Variants in KLRG2 observed in about 807,000 individuals in gnomAD.
The protein encoded by KLRG2 is killer cell lectin-like receptor subfamily G member 2.
KLRG2 carries 39 observed loss-of-function variants against 35.4 expected under a neutral mutation model. The ratio of observed to expected loss-of-function variants is 1.10; its 90% CI spans 0.85 to 1.44. The LOEUF is 1.44. Ranked by LOEUF, KLRG2 falls within the 40% of genes most tolerant of loss-of-function variation. The pLI is 0.00. For synonymous variants in KLRG2, 283 were observed against 265.8 expected (o/e 1.06, Z -0.63); for missense variants, 632 against 570.9 (o/e 1.11, Z -1.09).
chr7:139,454,704 TACTTGGGAGGCTGAA>T (rs1486908067), intron 3 of KLRG2, among the ~76,000 whole-genome samples: 1 of 150,976 alleles, frequency 6.6e-6, no homozygotes, highest in Non-Finnish European at 1.5e-5. Context: ...TAATCCCAGC[TACTTGGGAGGCTGAA>T]ACAGGAGAAT....
In KLRG2 at chr7:139,479,782, C is replaced by G; in HGVS notation, c.860-10G>C. The G allele has an allele frequency of 1.2e-6, 2 of 1,612,384 alleles. No homozygotes were observed. The highest frequency in any genetic ancestry group is 1.7e-6 in the Non-Finnish European group (2 of 1,179,244). ...TGCTGGCATCTGGCTCCTGCAAGCA[C>G]AGAGACTGCTGGTGAGCTGCAGGGT... On this transcript the variant is annotated splice_polypyrimidine_tract_variant and intron_variant, in intron 2 of 4. Coordinates refer to ENST00000340940, the MANE Select transcript of KLRG2 (RefSeq NM_198508.4).
intron 3 of KLRG2, among the ~76,000 whole-genome samples, chr7:139,476,986 T>C (rs986408368): frequency 1.3e-5 from 2 of 152,166 alleles, no homozygotes; most frequent in African/African-American, 2.4e-5. Context: ...GAATCCCCCT[T>C]GCCAAACACG....
chr7:139,464,980 C>T (rs56103242), intron 3 of KLRG2, among the ~76,000 whole-genome samples: 29,145 of 152,184 alleles, frequency 0.19, 4,250 homozygotes, highest in African/African-American at 0.41. Context: ...GACTTCAATC[C>T]GGCCTCCCAC....
chr7:139,445,789 A>G, the KLRG2 span, among the ~76,000 whole-genome samples: 1 of 126,378 alleles, frequency 7.9e-6, no homozygotes, highest in Non-Finnish European at 1.5e-5. Flanking sequence ...ATGTATATAT[A>G]TATGTGTGTA....
the KLRG2 span, among the ~76,000 whole-genome samples, chr7:139,446,720 T>C: frequency 6.6e-6 from 1 of 151,946 alleles, no homozygotes; most frequent in Non-Finnish European, 1.5e-5. Flanking sequence ...GTAGCATCTT[T>C]GAGTCCTCCC....
chr7:139,442,858 C>T, the KLRG2 span, among the ~76,000 whole-genome samples: 1 of 151,970 alleles, frequency 6.6e-6, no homozygotes, highest in South Asian at 2.1e-4. Flanking sequence ...CACAGAGAGC[C>T]AGGCACAGTG....
chr7:139,454,208 G>C lies in KLRG2; in HGVS notation c.1012C>G (p.Leu338Val). ...TGCCTGGAGACTGGGTATCTGCCCA[G>C]GAAGTCCTGAGGGAGAAAAGTAAGC... ...LPLLSHTQDF[L>V]GRYPVSRHSW... The change falls in exon 4 of 5, where the codon CTG becomes GTG. Residue 338 changes from leucine (L) to valine (V), a missense_variant. Coordinates refer to ENST00000340940, the MANE Select transcript of KLRG2 (RefSeq NM_198508.4). 6.6e-7 allele frequency: 1 copy of C among 1,514,248 alleles called. No homozygotes were observed. The highest frequency in any genetic ancestry group is 9.0e-7 in the Non-Finnish European group (1 of 1,114,634). 93.8% of individuals were successfully genotyped at this position (1,514,248 alleles called of 1,614,324 possible). A position where few individuals can be genotyped will look rare whatever the true frequency, so the allele number is the denominator to read the frequency against.
downstream of KLRG2, among the ~76,000 whole-genome samples, chr7:139,451,934 C>G (rs1423719043): frequency 6.6e-6 from 1 of 150,920 alleles, no homozygotes; most frequent in African/African-American, 2.4e-5. Context: ...GTGAGCCACC[C>G]ATTTCACATC....
chr7:139,482,757 G>T, intron 1 of KLRG2, 129 bp downstream of exon 1: 1 of 755,716 alleles, frequency 1.3e-6, no homozygotes, highest in Non-Finnish European at 1.9e-6. Context: ...TCGGGTTGGG[G>T]ATCGGGATGG....
chr7:139,454,859 AATAAT>A (rs1160851373), intron 3 of KLRG2, among the ~76,000 whole-genome samples: 33 of 132,022 alleles, frequency 2.5e-4, no homozygotes, highest in Non-Finnish European at 3.9e-4. Flanking sequence ...TAATAATAAT[AATAAT>A]AACACACGCA....
chr7:139,480,207 CG>C lies in KLRG2; in HGVS notation c.797del (p.Ala266GlyfsTer66). The part of the protein sequence containing the change: ...MYVKSLYWAL[A>X]FMAVLLAVSG... ...AGACTGCCAGGAGCACAGCCATGAA[CG>C]CCAGGGCCCAGTACAGGGACTTCAC... On this transcript the variant is annotated frameshift_variant, in exon 2 of 5. Transcript: ENST00000340940. LOFTEE classifies it high-confidence loss of function. The C allele has an allele frequency of 6.2e-7, 1 of 1,613,652 alleles. No individual in the cohort carries two copies. Among genetic ancestry groups the C allele is most frequent in the Non-Finnish European group, 8.5e-7 (1 of 1,179,740 alleles).
At chr7:139,456,646 C>T (rs1796481347) in intron 3 of KLRG2, among the ~76,000 whole-genome samples, 1 of 152,118 alleles carries the variant, frequency 6.6e-6, no homozygotes, top group Non-Finnish European at 1.5e-5. Flanking sequence ...GCCACTGCAC[C>T]CAGCCTCTCT....
chr7:139,482,772 C>T (rs1423699822), intron 1 of KLRG2, 114 bp downstream of exon 1: 3 of 987,528 alleles, frequency 3.0e-6, no homozygotes, highest in Non-Finnish European at 4.0e-6. Flanking sequence ...GGATGGCCAA[C>T]TGGGTCCCTT....
chr7:139,445,775 A>ATATGTGTG, the KLRG2 span, among the ~76,000 whole-genome samples: 4 of 91,958 alleles, frequency 4.3e-5, 1 homozygote, highest in African/African-American at 3.1e-4. Flanking sequence ...ATGTATATAT[A>ATATGTGTG]TATATGTATA....
Position 139,473,922 on chromosome 7 carries a change from G to A in KLRG2, c.1005+5705C>T, listed in dbSNP as rs79892425. The stretch of plus-strand genomic sequence containing the variant: ...CCCACAGGGCATATTATTAAATTTC[G>A]GAACACTGAGAACAAAGAAGACACT... On this transcript the variant is annotated intron_variant, in intron 3 of 4. Transcript: ENST00000340940. Among the ~76,000 whole-genome samples the A allele has an allele frequency of 2.6e-3, 390 of 152,026 alleles. 4 individuals carry two copies. Among genetic ancestry groups the A allele is most frequent in the South Asian group, 0.02 (97 of 4,818 alleles).
At chr7:139,430,889 A>G in the KLRG2 span, among the ~76,000 whole-genome samples, 1 of 152,018 alleles carries the variant, frequency 6.6e-6, no homozygotes, top group East Asian at 1.9e-4. Flanking sequence ...GGTGCCTATA[A>G]TCCCAGCTAC....
At position 139,454,947 on chromosome 7, in the gene KLRG2, A is replaced by G. The variant is rs190027304; in HGVS notation, c.1006-733T>C. Among the ~76,000 whole-genome samples the G allele has an allele frequency of 5.2e-3, 793 of 151,820 alleles. 10 individuals carry two copies. The highest frequency in any genetic ancestry group is 0.018 in the African/African-American group (743 of 41,448). ...TAGAGGAGACTTTTTTCTTTTAAAT[A>G]TTTGCCCTCAATGTCACACTATTTT... On this transcript the variant is annotated intron_variant, in intron 3 of 4. Coordinates refer to ENST00000340940, the MANE Select transcript of KLRG2 (RefSeq NM_198508.4).
the KLRG2 span, among the ~76,000 whole-genome samples, chr7:139,438,171 AG>A: frequency 6.6e-6 from 1 of 152,258 alleles, no homozygotes; most frequent in African/African-American, 2.4e-5. Flanking sequence ...TTGCAGATGT[AG>A]GGGAGCCCAG....
chr7:139,458,140 G>A (rs1796508115), intron 3 of KLRG2, among the ~76,000 whole-genome samples: 1 of 152,130 alleles, frequency 6.6e-6, no homozygotes, highest in South Asian at 2.1e-4. Context: ...AACTGTGGGA[G>A]GCTGAGGAGG....
Sources: allele counts gnomAD v4.1 joint callset (sites outside exome capture counted in the v4.1 genomes callset), GRCh38; gene constraint gnomAD v4.1.1; transcripts MANE v1.5; gene names NCBI Gene and HGNC (gene_info 2026-07-23, HGNC 2026-07-21).